The following RASAL2 variants were observed in gnomAD, a reference collection of about 807,000 sequenced individuals.
The protein encoded by RASAL2 is ras GTPase-activating protein nGAP.
RASAL2 carries 58 observed loss-of-function variants against 128.9 expected under a neutral mutation model. That is an observed-to-expected ratio of 0.45 (90% confidence interval 0.36 to 0.56). RASAL2 has a LOEUF of 0.56. RASAL2 is among the 20% of genes least tolerant of loss of function. RASAL2 has a pLI of 0.00. For synonymous variants in RASAL2, 561 were observed against 580.8 expected, an observed-to-expected ratio of 0.97 and a Z score of 0.49; for missense variants, 1,360 against 1,601.6, an observed-to-expected ratio of 0.85 and a Z score of 2.57.
intron 5 of RASAL2, among the ~76,000 whole-genome samples, chr1:178,420,889 T>G (rs1382261941): frequency 6.6e-6 from 1 of 152,142 alleles, no homozygotes; most frequent in African/African-American, 2.4e-5. Context: ...CAAGTTACAG[T>G]GGTCAGAGGT....
intron 9 of RASAL2, among the ~76,000 whole-genome samples, chr1:178,446,976 A>C (rs1395040209): frequency 2.6e-5 from 4 of 152,218 alleles, no homozygotes; most frequent in Non-Finnish European, 5.9e-5. Context: ...GAATAAAACT[A>C]TTTAGCTGGA....
intron 1 of RASAL2, among the ~76,000 whole-genome samples, chr1:178,120,028 A>G (rs1659657933): frequency 1.3e-5 from 2 of 152,240 alleles, no homozygotes; most frequent in Admixed American, 6.5e-5. Flanking sequence ...GTGCAGACAC[A>G]TTTGATGAAG....
intron 1 of RASAL2, among the ~76,000 whole-genome samples, chr1:178,156,087 T>C (rs1661075373): frequency 6.6e-6 from 1 of 152,196 alleles, no homozygotes; most frequent in African/African-American, 2.4e-5. Flanking sequence ...GAGCTTGTAA[T>C]TGCTATGCAG....
At chr1:178,131,754 A>C (rs1571519647) in intron 1 of RASAL2, among the ~76,000 whole-genome samples, 2 of 152,300 alleles carry the variant, frequency 1.3e-5, no homozygotes, top group Admixed American at 1.3e-4. Flanking sequence ...TCTTGAGGTC[A>C]CATGAATTGT....
intron 10 of RASAL2, 113 bp from the exon 11 acceptor site, chr1:178,452,303 T>A: frequency 2.3e-6 from 2 of 869,706 alleles, no homozygotes; most frequent in South Asian, 3.2e-5. Context: ...TTCTACTAGG[T>A]CCTCCTCACA....
intron 3 of RASAL2, among the ~76,000 whole-genome samples, chr1:178,347,016 T>A (rs1276207762): frequency 1.3e-5 from 2 of 152,188 alleles, no homozygotes; most frequent in African/African-American, 4.8e-5. Context: ...TTGGTTTTTT[T>A]AATGGAAGGG....
chr1:178,161,865 A>C (rs1466904824), intron 1 of RASAL2, among the ~76,000 whole-genome samples: 1 of 152,056 alleles, frequency 6.6e-6, no homozygotes, highest in Non-Finnish European at 1.5e-5. Context: ...TGTTTGAGAC[A>C]CTGTGTGTCT....
At chr1:178,346,792 A>G (rs1197179569) in intron 3 of RASAL2, among the ~76,000 whole-genome samples, 1 of 152,148 alleles carries the variant, frequency 6.6e-6, no homozygotes, top group African/African-American at 2.4e-5. Flanking sequence ...TAAAGAAGAA[A>G]CCCTAGGAGT....
At chr1:178,315,760 A>G (rs1241592069) in intron 3 of RASAL2, among the ~76,000 whole-genome samples, 9 of 142,996 alleles carry the variant, frequency 6.3e-5, no homozygotes, top group Non-Finnish European at 1.4e-4. Flanking sequence ...CTCTGATGGT[A>G]GTTTCTTTTG....
intron 1 of RASAL2, among the ~76,000 whole-genome samples, chr1:178,275,322 A>G (rs1405167939): frequency 6.6e-6 from 1 of 152,246 alleles, no homozygotes; most frequent in East Asian, 1.9e-4. Context: ...CTGGGACTAT[A>G]GAGGCATGCC....
At chr1:178,472,981 T>C in intron 17 of RASAL2, 94 bp from the exon 18 acceptor site, 2 of 1,424,930 alleles carry the variant, frequency 1.4e-6, no homozygotes, top group Non-Finnish European at 1.9e-6. Context: ...TGCATACAAC[T>C]GTTTGAGAGA....
chr1:178,331,871 G>T (rs1185369877), intron 3 of RASAL2, among the ~76,000 whole-genome samples: 3 of 151,982 alleles, frequency 2.0e-5, no homozygotes, highest in African/African-American at 7.3e-5. Context: ...ACAGGCATGA[G>T]CCACCATGCC....
chr1:178,246,161 A>G (rs1399433610), intron 1 of RASAL2, among the ~76,000 whole-genome samples: 1 of 152,160 alleles, frequency 6.6e-6, no homozygotes, highest in Non-Finnish European at 1.5e-5. Context: ...TTTGGGCAGT[A>G]TGGTCATTTT....
intron 5 of RASAL2, among the ~76,000 whole-genome samples, chr1:178,427,066 G>C (rs1675561052): frequency 6.6e-6 from 1 of 152,086 alleles, no homozygotes; most frequent in South Asian, 2.1e-4. Flanking sequence ...AAAATCAATA[G>C]GATGTCACAA....
chr1:178,420,450 T>C, intron 4 of RASAL2, 61 bp from the exon 5 acceptor site: 3 of 1,055,392 alleles, frequency 2.8e-6, no homozygotes, highest in East Asian at 2.4e-5. Flanking sequence ...GCAGAGATAG[T>C]GTGGACGAGT....
At chr1:178,283,437 A>T in intron 1 of RASAL2, 127 bp from the exon 2 acceptor site, 1 of 1,200,188 alleles carries the variant, frequency 8.3e-7, no homozygotes, top group African/African-American at 1.5e-5. Flanking sequence ...GAAGCTTTAA[A>T]TTTACCATTG....
intron 1 of RASAL2, among the ~76,000 whole-genome samples, chr1:178,148,916 C>T (rs1660818783): frequency 6.6e-6 from 1 of 152,034 alleles, no homozygotes; most frequent in Non-Finnish European, 1.5e-5. Context: ...TTTAATTTCC[C>T]ATCCATCTTC....
intron 3 of RASAL2, among the ~76,000 whole-genome samples, chr1:178,367,323 G>C (rs1307866111): frequency 6.6e-6 from 1 of 151,984 alleles, no homozygotes; most frequent in African/African-American, 2.4e-5. Context: ...TAACAGTTTA[G>C]TCAAATGTCA....
chr1:178,134,938 A>G (rs1660263875), intron 1 of RASAL2, among the ~76,000 whole-genome samples: 1 of 152,218 alleles, frequency 6.6e-6, no homozygotes, highest in South Asian at 2.1e-4. Context: ...GGGCCAATGA[A>G]TGCCAACATC....
Sources: gnomAD v4.1 joint callset for allele counts (sites outside exome capture counted in the v4.1 genomes callset) on GRCh38, gnomAD v4.1.1 for gene constraint, MANE v1.5 for transcripts, NCBI Gene and HGNC (gene_info 2026-07-23, HGNC 2026-07-21) for gene names.